NLK: variants seen among roughly 807,000 people sequenced by gnomAD.
NLK encodes nemo like kinase.
NLK carries 11 observed loss-of-function variants against 59.0 expected under a neutral mutation model. That is an observed-to-expected ratio of 0.19 (90% CI 0.12 to 0.31). NLK has a LOEUF of 0.31. Among genes scored for constraint, NLK ranks in the 10% least tolerant of loss-of-function variants. The pLI is 1.00. For missense variants in NLK, 410 were observed against 661.1 expected (o/e 0.62, Z 4.16); for synonymous variants, 235 against 235.9 (o/e 1.00, Z 0.03).
rs751366520 is a variant in NLK at position 28,132,694 on chromosome 17, G to A, written c.644+19G>A. On this transcript the variant is annotated intron_variant, in intron 3 of 10. Transcript: ENST00000407008. ...AAGAAATGTATCCTAACCAGGGAAT[G>A]TGAAAGAAGGGGACAATTTTTAAAA... is the stretch of plus-strand genomic sequence containing the variant. 1.1e-5 allele frequency: 17 copies of A among 1,589,968 alleles called. No homozygotes were observed. Among genetic ancestry groups the A allele is most frequent in the Middle Eastern group, 1.7e-4 (1 of 6,010 alleles).
At chr17:28,200,952 T>C (rs971596549), downstream of NLK, among the ~76,000 whole-genome samples, 13 of 152,244 alleles carry the variant, frequency 8.5e-5, no homozygotes, top group Non-Finnish European at 1.5e-5. Context: ...ATTCTAGGAA[T>C]CCTTTCTCCA....
chr17:28,134,243 C>CA (rs1165592376), intron 3 of NLK, among the ~76,000 whole-genome samples: 5 of 151,500 alleles, frequency 3.3e-5, no homozygotes, highest in East Asian at 1.9e-4. Flanking sequence ...ACCAAAAATA[C>CA]AAAAAAAATT....
At chr17:28,167,014 G>A (rs1908263499) in intron 5 of NLK, among the ~76,000 whole-genome samples, 1 of 152,102 alleles carries the variant, frequency 6.6e-6, no homozygotes, top group Non-Finnish European at 1.5e-5. Flanking sequence ...AAATAGATAG[G>A]TACATGTGAA....
chr17:28,074,320 C>A (rs1017248664), intron 1 of NLK, among the ~76,000 whole-genome samples: 2 of 152,126 alleles, frequency 1.3e-5, no homozygotes, highest in African/African-American at 4.8e-5. Flanking sequence ...TGCACATGTA[C>A]CCCTGAACTT....
At chr17:28,188,980 GAC>G (rs57423093) in intron 8 of NLK, among the ~76,000 whole-genome samples, 24,989 of 141,828 alleles carry the variant, frequency 0.18, 2,393 homozygotes, top group African/African-American at 0.28. Flanking sequence ...GACAAACACA[GAC>G]ACACACACAC....
At chr17:28,148,258 A>G (rs1907338698) in intron 3 of NLK, among the ~76,000 whole-genome samples, 3 of 152,112 alleles carry the variant, frequency 2.0e-5, no homozygotes, top group Admixed American at 1.3e-4. Flanking sequence ...CCCCACAAAA[A>G]GTAGCCAGGA....
rs66949112 is a variant in NLK, at chr17:28,064,174, C to CTTT, written c.458+20866_458+20868dup. Among the ~76,000 whole-genome samples the CTTT allele has an allele frequency of 7.4e-3, 736 of 99,572 alleles. 22 individuals carry two copies. Among genetic ancestry groups the CTTT allele is most frequent in the African/African-American group, 0.026 (686 of 25,922 alleles). 65.3% of individuals were successfully genotyped at this position (99,572 alleles called of 152,430 possible). On this transcript the variant is annotated intron_variant, in intron 1 of 10. Coordinates refer to ENST00000407008, the MANE Select transcript of NLK (RefSeq NM_016231.5). ...TTAGAGTCATCTTTAAGTTAGCAAA[C>CTTT]TTTTTTTTTTTTTTTTTTTTTTTTT... is the stretch of plus-strand genomic sequence containing the variant.
chr17:28,176,215 A>T (rs1433719984), intron 7 of NLK, among the ~76,000 whole-genome samples: 1 of 152,188 alleles, frequency 6.6e-6, no homozygotes, highest in Non-Finnish European at 1.5e-5. Flanking sequence ...GGCAAGTTCA[A>T]TCTCACTGTA....
chr17:28,060,540 G>A (rs906968985), intron 1 of NLK, among the ~76,000 whole-genome samples: 33 of 152,098 alleles, frequency 2.2e-4, no homozygotes, highest in African/African-American at 7.7e-4. Flanking sequence ...CCAAAGTGCC[G>A]GGATTACAAG....
At chr17:28,092,271 G>A (rs1439042294) in intron 1 of NLK, among the ~76,000 whole-genome samples, 1 of 149,894 alleles carries the variant, frequency 6.7e-6, no homozygotes, top group Non-Finnish European at 1.5e-5. Flanking sequence ...AGGCGGGGGG[G>A]TGGGGGGAGA....
At position 28,057,972 on chromosome 17, in the gene NLK, C is replaced by G. The variant is rs940838894; in HGVS notation, c.458+14641C>G. 7.9e-5 allele frequency among the ~76,000 whole-genome samples: 12 copies of G among 152,190 alleles called. 1 individual carries two copies. Among genetic ancestry groups the G allele is most frequent in the Admixed American group, 3.9e-4 (6 of 15,284 alleles). On this transcript the variant is annotated intron_variant, in intron 1 of 10. Coordinates refer to ENST00000407008, the MANE Select transcript of NLK (RefSeq NM_016231.5). ...GTGAAAAGGGCAACTGCTGTGTTTG[C>G]TGCCTAGGCTACAATATAAGATACT...
chr17:28,196,984 G>T (rs151144725), downstream of NLK, among the ~76,000 whole-genome samples: 2 of 152,026 alleles, frequency 1.3e-5, no homozygotes, highest in African/African-American at 4.8e-5. Context: ...TCCTGACATT[G>T]AGGCAGTTGA....
intron 2 of NLK, among the ~76,000 whole-genome samples, chr17:28,130,364 A>C (rs146259980): frequency 1.3e-5 from 2 of 152,176 alleles, no homozygotes; most frequent in African/African-American, 4.8e-5. Context: ...AGCACTGTAG[A>C]ATGCCATCCT....
downstream of NLK, among the ~76,000 whole-genome samples, chr17:28,200,412 C>T (rs1020029733): frequency 4.6e-5 from 7 of 152,154 alleles, no homozygotes; most frequent in African/African-American, 1.7e-4. Flanking sequence ...CTCTAGGAAT[C>T]TATACATGTG....
At chr17:28,113,615 C>T (rs538809271) in intron 1 of NLK, among the ~76,000 whole-genome samples, 19 of 152,262 alleles carry the variant, frequency 1.2e-4, no homozygotes, top group Admixed American at 7.8e-4. Flanking sequence ...ACTCTCATCA[C>T]CATCTTGGTT....
At chr17:28,049,137 AG>A (rs1210786556) in intron 1 of NLK, among the ~76,000 whole-genome samples, 1 of 152,222 alleles carries the variant, frequency 6.6e-6, no homozygotes, top group Non-Finnish European at 1.5e-5. Context: ...AGACATAGTC[AG>A]TAGTTGTAAG....
rs1910221225 is a variant in NLK at position 28,077,914 on chromosome 17, T to C, written c.458+34583T>C. On this transcript the variant is annotated intron_variant, in intron 1 of 10. Coordinates refer to ENST00000407008, the MANE Select transcript of NLK (RefSeq NM_016231.5). Reference sequence around the variant, plus strand: ...TAATTCTTTTTAACAAATATATAGATGCACAGAAAGTTCTGCTTCTTTCTC... The same window carrying C: ...TAATTCTTTTTAACAAATATATAGACGCACAGAAAGTTCTGCTTCTTTCTC... Among the ~76,000 whole-genome samples, 5 of 152,192 alleles carry C rather than the reference T, an allele frequency of 3.3e-5. No individual in the cohort carries two copies. In the South Asian group the frequency reaches 1.0e-3, roughly 32 times the overall value.
Position 28,192,448 on chromosome 17 carries a change from C to A in NLK, c.1529+235C>A, listed in dbSNP as rs138375771. 1.8e-3 allele frequency among the ~76,000 whole-genome samples: 278 copies of A among 152,270 alleles called. 1 individual carries two copies. The highest frequency in any genetic ancestry group is 6.3e-3 in the African/African-American group (262 of 41,566). On this transcript the variant is annotated intron_variant, in intron 10 of 10. Transcript: ENST00000407008. ...CTTTGGGAAGCCAAGGCAGACAGAT[C>A]ACCTGAGGTCTGGAGTTCAAGACCA...
At chr17:28,080,986 C>T (rs1009018975) in intron 1 of NLK, among the ~76,000 whole-genome samples, 3 of 151,738 alleles carry the variant, frequency 2.0e-5, no homozygotes, top group African/African-American at 7.3e-5. Flanking sequence ...ACCTCCTGGG[C>T]TCAATCGATC....
Sources: gnomAD v4.1 joint callset for allele counts (sites outside exome capture counted in the v4.1 genomes callset) on GRCh38, gnomAD v4.1.1 for gene constraint, MANE v1.5 for transcripts, NCBI Gene and HGNC (gene_info 2026-07-23, HGNC 2026-07-21) for gene names.